PGM2: variants seen among roughly 807,000 people sequenced by gnomAD.
The protein encoded by PGM2 is phosphopentomutase.
PGM2 carries 57 observed loss-of-function variants against 74.6 expected under a neutral mutation model. That is an observed-to-expected ratio of 0.76 (90% CI 0.62 to 0.95). The LOEUF is 0.95. PGM2 is among the 40% of genes least tolerant of loss of function. The pLI, the probability that PGM2 is intolerant of heterozygous loss-of-function variation, is 0.00. For missense variants in PGM2, 706 were observed against 741.9 expected (o/e 0.95, Z 0.56); for synonymous variants, 273 against 260.7 (o/e 1.05, Z -0.46).
intron 2 of PGM2, 22 bp from the exon 3 acceptor site, chr4:37,834,596 T>A (rs755714073): frequency 8.7e-7 from 1 of 1,153,360 alleles, no homozygotes; most frequent in East Asian, 2.4e-5. Context: ...ACATACTTTT[T>A]AAATCTATGG....
chr4:37,833,463 AG>A (rs1382114361), intron 2 of PGM2, among the ~76,000 whole-genome samples: 1 of 152,190 alleles, frequency 6.6e-6, no homozygotes, highest in Non-Finnish European at 1.5e-5. Flanking sequence ...CAGGAGGCTG[AG>A]GTGAGAGGAT....
At chr4:37,854,219 T>A (rs1443926829) in intron 12 of PGM2, among the ~76,000 whole-genome samples, 2 of 152,216 alleles carry the variant, frequency 1.3e-5, no homozygotes, top group Non-Finnish European at 2.9e-5. Flanking sequence ...CTATTCAAAG[T>A]ACCTCTATTT....
chr4:37,832,368 C>G (rs1725463022), intron 2 of PGM2, among the ~76,000 whole-genome samples: 1 of 152,182 alleles, frequency 6.6e-6, no homozygotes, highest in Non-Finnish European at 1.5e-5. Flanking sequence ...TGGCAGAATG[C>G]TGATATGCAA....
chr4:37,843,547 T>C (rs896506341), intron 6 of PGM2, among the ~76,000 whole-genome samples: 2 of 152,026 alleles, frequency 1.3e-5, no homozygotes, highest in Non-Finnish European at 2.9e-5. Flanking sequence ...CCCTAAGTCA[T>C]GGCATGGTAT....
chr4:37,826,763 G>T lies in PGM2; in HGVS notation c.31G>T (p.Glu11Ter). The change falls in exon 1 of 14, where the codon GAG (glutamate) becomes TAG (stop). Residue 11 changes from glutamate (E) to a stop codon, truncating the protein, a stop_gained. Transcript: ENST00000381967. LOFTEE classifies it high-confidence loss of function. ...GGCTCCAGAAGGCAGCGGTCTAGGCGAGGACGCCCGGCTGGACCAGGAGAC... is the reference window on the plus strand; with the variant it reads ...GGCTCCAGAAGGCAGCGGTCTAGGCTAGGACGCCCGGCTGGACCAGGAGAC... MAAPEGSGLGEDARLDQETAQ... is the reference protein window; with the variant it reads MAAPEGSGLG The T allele has an allele frequency of 3.2e-6, 5 of 1,549,942 alleles. No homozygotes were observed. Among genetic ancestry groups the T allele is most frequent in the Non-Finnish European group, 4.4e-6 (5 of 1,146,482 alleles).
At position 37,846,781 on chromosome 4, in the gene PGM2, C is replaced by T. The variant is rs1725885409; in HGVS notation, c.1008-150C>T. On this transcript the variant is annotated intron_variant, in intron 8 of 13. Coordinates refer to ENST00000381967, the MANE Select transcript of PGM2 (RefSeq NM_018290.4). ...GTAAAATGGCAGTTACATTTCTGACCAGTTATTTAAAGATGATGAATAACA... is the reference window on the plus strand; with the variant it reads ...GTAAAATGGCAGTTACATTTCTGACTAGTTATTTAAAGATGATGAATAACA... The T allele has an allele frequency of 4.8e-6, 3 of 629,070 alleles. No individual in the cohort carries two copies. The South Asian group carries it at 6.5e-5, about 14-fold the overall frequency. The allele number at this position is 629,070 out of a possible 1,614,324, so 39.0% of individuals were successfully genotyped here.
chr4:37,833,328 G>A (rs1725484086), intron 2 of PGM2, among the ~76,000 whole-genome samples: 1 of 152,222 alleles, frequency 6.6e-6, no homozygotes, highest in Non-Finnish European at 1.5e-5. Flanking sequence ...GGCCAAGGCA[G>A]GAGGATTGCT....
Position 37,861,651 on chromosome 4 carries a change from T to G in PGM2, c.*39T>G. 7.9e-7 allele frequency: 1 copy of G among 1,263,280 alleles called. No homozygotes were observed. The highest frequency in any genetic ancestry group is 1.2e-6 in the Non-Finnish European group (1 of 860,140). The allele number at this position is 1,263,280 out of a possible 1,614,324, so 78.3% of individuals were successfully genotyped here. A position where few individuals can be genotyped will look rare whatever the true frequency, so the allele number is the denominator to read the frequency against. The stretch of plus-strand genomic sequence containing the variant: ...TGGGTATACTTGCATTTACCTACAA[T>G]TAAGCTGGGTTTAACTTGTTAAGCA... On this transcript the variant is annotated 3_prime_UTR_variant, in exon 14 of 14. Transcript: ENST00000381967.
At chr4:37,845,784 C>T in intron 8 of PGM2, 54 bp downstream of exon 8, 1 of 1,127,724 alleles carries the variant, frequency 8.9e-7, no homozygotes. Context: ...ATGATCTCTT[C>T]ATTGGTAAAA....
At chr4:37,847,137 T>C in intron 9 of PGM2, 26 bp downstream of exon 9, 1 of 1,605,558 alleles carries the variant, frequency 6.2e-7, no homozygotes, top group Non-Finnish European at 8.5e-7. Flanking sequence ...GACTCACTCA[T>C]TTTCCTTTCA....
At chr4:37,854,985 A>C (rs1281219497) in intron 12 of PGM2, among the ~76,000 whole-genome samples, 1 of 152,260 alleles carries the variant, frequency 6.6e-6, no homozygotes, top group Non-Finnish European at 1.5e-5. Flanking sequence ...GATAGCTAAA[A>C]TCAAGTTAAT....
At chr4:37,830,821 G>A (rs1045512961) in intron 2 of PGM2, among the ~76,000 whole-genome samples, 2 of 152,128 alleles carry the variant, frequency 1.3e-5, no homozygotes, top group Admixed American at 1.3e-4. Flanking sequence ...TGTGCCTCAC[G>A]TATACATCCC....
chr4:37,851,490 G>A (rs1726038736), intron 12 of PGM2, among the ~76,000 whole-genome samples: 1 of 152,162 alleles, frequency 6.6e-6, no homozygotes, highest in Admixed American at 6.5e-5. Context: ...TTCTATGTTG[G>A]GGTTGGGGGA....
chr4:37,855,827 C>A, intron 13 of PGM2, 86 bp downstream of exon 13: 3 of 1,120,210 alleles, frequency 2.7e-6, no homozygotes, highest in Non-Finnish European at 3.7e-6. Context: ...AATGTTCCAT[C>A]TTTCTAATAG....
chr4:37,856,956 C>T (rs6829837), intron 13 of PGM2, among the ~76,000 whole-genome samples: 13,910 of 151,356 alleles, frequency 0.092, 1,682 homozygotes, highest in African/African-American at 0.28. Flanking sequence ...TTTTTTTCCT[C>T]TGGAAAAAAG....
intron 4 of PGM2, 151 bp from the exon 5 acceptor site, chr4:37,839,697 G>A: frequency 2.9e-6 from 2 of 698,190 alleles, no homozygotes; most frequent in South Asian, 3.0e-5. Context: ...ATTGCATACT[G>A]CTGGGGTGTG....
At chr4:37,855,951 T>G (rs1726181653) in intron 13 of PGM2, among the ~76,000 whole-genome samples, 1 of 152,204 alleles carries the variant, frequency 6.6e-6, no homozygotes, top group Non-Finnish European at 1.5e-5. Context: ...TGTCCTAAAT[T>G]TCTTTGTATG....
intron 9 of PGM2, 41 bp from the exon 10 acceptor site, chr4:37,847,161 A>G (rs2152178984): frequency 6.3e-7 from 1 of 1,596,254 alleles, no homozygotes; most frequent in Non-Finnish European, 8.6e-7. Context: ...GCTCTGTAGA[A>G]GATCTAAGGC....
At chr4:37,839,521 A>G (rs529244595) in intron 4 of PGM2, 460 of 492,902 alleles carry the variant, frequency 9.3e-4, no homozygotes, top group Non-Finnish European at 1.4e-3. Flanking sequence ...TCTCAGGTAG[A>G]AGCATTGAAA....
Sources: gnomAD v4.1 joint callset for allele counts (sites outside exome capture counted in the v4.1 genomes callset) on GRCh38, gnomAD v4.1.1 for gene constraint, MANE v1.5 for transcripts, NCBI Gene and HGNC (gene_info 2026-07-23, HGNC 2026-07-21) for gene names.